IQCB1: variants seen among roughly 807,000 people sequenced by gnomAD.
The protein encoded by IQCB1 is IQ motif containing B1, also known as IQ calmodulin-binding motif-containing protein 1.
In IQCB1, 56 loss-of-function variants were observed where a neutral mutation model predicts 84.4. The observed-to-expected ratio is 0.66, with a 90% CI of 0.54 to 0.83. The LOEUF is 0.83. Among genes scored for constraint, IQCB1 ranks in the 40% least tolerant of loss-of-function variants. The probability of loss-of-function intolerance (pLI) is 0.00; values close to 1 mark genes in which losing one functional copy is unlikely to be tolerated. For synonymous variants in IQCB1, 210 were observed against 234.8 expected, an observed-to-expected ratio of 0.89 and a Z score of 0.96; for missense variants, 629 against 682.1, an observed-to-expected ratio of 0.92 and a Z score of 0.87.
intron 9 of IQCB1, 43 bp from the exon 10 acceptor site, chr3:121,795,609 T>G (rs776074008): frequency 1.0e-5 from 10 of 961,540 alleles, no homozygotes; most frequent in Non-Finnish European, 1.5e-6. Context: ...TAGGAAGGTC[T>G]TTAAAAAAAA....
At chr3:121,801,280 G>A (rs1001878491) in intron 7 of IQCB1, among the ~76,000 whole-genome samples, 3 of 151,996 alleles carry the variant, frequency 2.0e-5, no homozygotes, top group Non-Finnish European at 4.4e-5. Context: ...TTCACCTGAT[G>A]GACATTTGAG....
At chr3:121,797,491 A>T (rs1417645763) in intron 8 of IQCB1, among the ~76,000 whole-genome samples, 5 of 147,622 alleles carry the variant, frequency 3.4e-5, no homozygotes, top group Admixed American at 1.4e-4. Flanking sequence ...TCTTTAATAA[A>T]AAAAAAAAAA....
chr3:121,807,531 C>T lies in IQCB1; in HGVS notation c.488-88G>A, dbSNP rs776059647. 50 of 727,332 alleles carry T rather than the reference C, an allele frequency of 6.9e-5. 1 individual carries two copies. The highest frequency in any genetic ancestry group is 1.2e-4 in the Non-Finnish European group (47 of 402,900). The allele number at this position is 727,332 out of a possible 1,614,324, so 45.1% of individuals were successfully genotyped here. ...TTGTTCTTTTCAAACCAAATCAAAG[C>T]ATGACCATCTCTGCTAAACTTTCTG... is the stretch of plus-strand genomic sequence containing the variant. On this transcript the variant is annotated intron_variant, in intron 6 of 14. Transcript: ENST00000310864.
At chr3:121,806,477 A>G (rs759780403) in intron 7 of IQCB1, among the ~76,000 whole-genome samples, 3 of 152,016 alleles carry the variant, frequency 2.0e-5, no homozygotes, top group Non-Finnish European at 4.4e-5. Context: ...CCCTATATGG[A>G]ACTTTATATC....
chr3:121,778,533 CT>C (rs34279594), intron 13 of IQCB1, among the ~76,000 whole-genome samples: 8 of 148,730 alleles, frequency 5.4e-5, no homozygotes, highest in East Asian at 2.0e-4. Flanking sequence ...CTGAAAAAGT[CT>C]TTTTTTTTTT....
chr3:121,780,783 T>C (rs958277286), intron 13 of IQCB1, among the ~76,000 whole-genome samples: 1 of 152,196 alleles, frequency 6.6e-6, no homozygotes, highest in South Asian at 2.1e-4. Context: ...TAGGACTCCC[T>C]AAATATCACA....
chr3:121,797,845 G>T (rs1212423361), intron 8 of IQCB1, among the ~76,000 whole-genome samples: 1 of 151,868 alleles, frequency 6.6e-6, no homozygotes, highest in Non-Finnish European at 1.5e-5. Flanking sequence ...TGTTTCCAGG[G>T]TACACTGAAA....
intron 5 of IQCB1, among the ~76,000 whole-genome samples, chr3:121,814,718 T>C (rs1229414634): frequency 6.6e-6 from 1 of 152,166 alleles, no homozygotes; most frequent in African/African-American, 2.4e-5. Context: ...AGGAAGAAGC[T>C]GAATCCCTGA....
intron 5 of IQCB1, among the ~76,000 whole-genome samples, chr3:121,814,322 T>C (rs1318602013): frequency 1.3e-5 from 2 of 152,032 alleles, no homozygotes; most frequent in Non-Finnish European, 1.5e-5. Context: ...GTGGGAAAGA[T>C]CTAAAATCGA....
chr3:121,827,919 T>G (rs1241731118), intron 4 of IQCB1, among the ~76,000 whole-genome samples: 1 of 152,266 alleles, frequency 6.6e-6, no homozygotes, highest in East Asian at 1.9e-4. Flanking sequence ...TTCTATTAAT[T>G]TCTAGCATGG....
At chr3:121,814,622 C>T (rs1949976578) in intron 5 of IQCB1, among the ~76,000 whole-genome samples, 1 of 152,134 alleles carries the variant, frequency 6.6e-6, no homozygotes, top group African/African-American at 2.4e-5. Flanking sequence ...TCAGAGAATA[C>T]TATAAACACC....
intron 3 of IQCB1, 38 bp from the exon 4 acceptor site, chr3:121,828,670 T>C: frequency 7.0e-7 from 1 of 1,431,702 alleles, no homozygotes; most frequent in Non-Finnish European, 9.8e-7. Context: ...TATTTTTGCT[T>C]AATACATCCA....
Position 121,799,309 on chromosome 3 carries a change from A to G in IQCB1, c.653T>C (p.Leu218Pro), listed in dbSNP as rs1290877318. 6.2e-7 allele frequency: 1 copy of G among 1,606,556 alleles called. No individual in the cohort carries two copies. Residue 218 changes from leucine to proline, a missense_variant, in exon 8 of 15, where the codon CTT (leucine) becomes CCT (proline). Leu to Pro is a moderately conservative substitution (Grantham distance 98, BLOSUM62 -3). Transcript: ENST00000310864. ...YSILDEVIFK[L>P]FSTPSPVIRS... Reference sequence around the variant, plus strand: ...TATAACTGGACTAGGAGTTGAAAAAAGCTTGAAAATAACTTCATCTAAAAT... The same window carrying G: ...TATAACTGGACTAGGAGTTGAAAAAGGCTTGAAAATAACTTCATCTAAAAT...
At chr3:121,821,208 C>T (rs149470325) in intron 5 of IQCB1, among the ~76,000 whole-genome samples, 1 of 152,220 alleles carries the variant, frequency 6.6e-6, no homozygotes, top group African/African-American at 2.4e-5. Flanking sequence ...TCAAGTGATC[C>T]TGCCATCTCA....
chr3:121,809,026 AGCCC>A lies in IQCB1; in HGVS notation c.394-21_394-18del. 1 of 1,479,472 alleles carries A rather than the reference AGCCC, an allele frequency of 6.8e-7. No individual in the cohort carries two copies. The highest frequency in any genetic ancestry group is 2.3e-5 in the East Asian group (1 of 44,088). The allele number at this position is 1,479,472 out of a possible 1,614,324, so 91.6% of individuals were successfully genotyped here. ...TTCTTCAGCCTTAACATAAAAGATA[AGCCC>A]AGTTTACTTTTCTATAGTTTTTTTC... On this transcript the variant is annotated intron_variant, in intron 5 of 14. Coordinates refer to ENST00000310864, the MANE Select transcript of IQCB1 (RefSeq NM_001023570.4).
intron 10 of IQCB1, among the ~76,000 whole-genome samples, chr3:121,790,450 C>T (rs1335824647): frequency 6.6e-6 from 1 of 152,004 alleles, no homozygotes; most frequent in East Asian, 1.9e-4. Context: ...AATAAAAAGC[C>T]TTAAAAGTGA....
At chr3:121,814,625 T>C (rs1033909728) in intron 5 of IQCB1, among the ~76,000 whole-genome samples, 9 of 152,088 alleles carry the variant, frequency 5.9e-5, no homozygotes, top group African/African-American at 2.2e-4. Flanking sequence ...GAGAATACTA[T>C]AAACACCTCT....
At chr3:121,820,510 C>T (rs1284275184) in intron 5 of IQCB1, among the ~76,000 whole-genome samples, 2 of 152,126 alleles carry the variant, frequency 1.3e-5, no homozygotes, top group African/African-American at 2.4e-5. Context: ...TTTTAATTAG[C>T]ATTCATAAGA....
chr3:121,783,503 C>T (rs1948588719), intron 12 of IQCB1, among the ~76,000 whole-genome samples: 1 of 152,192 alleles, frequency 6.6e-6, no homozygotes, highest in Non-Finnish European at 1.5e-5. Context: ...AATTACTTTT[C>T]CTTCCTTGCA....
Sources: gnomAD v4.1 joint callset for allele counts (sites outside exome capture counted in the v4.1 genomes callset) on GRCh38, gnomAD v4.1.1 for gene constraint, MANE v1.5 for transcripts, NCBI Gene and HGNC (gene_info 2026-07-23, HGNC 2026-07-21) for gene names.